Variants in ARHGEF19 observed in about 807,000 individuals in gnomAD.
ARHGEF19 encodes the protein Rho guanine nucleotide exchange factor 19, also known as Rho guanine nucleotide exchange factor (GEF) 19.
A neutral mutation model predicts 87.6 loss-of-function variants in ARHGEF19; 92 were observed. That is an observed-to-expected ratio of 1.05 (90% CI 0.89 to 1.25). The LOEUF (loss-of-function observed/expected upper bound fraction) is 1.25, where lower values mean the gene tolerates loss of function less well. Among genes scored for constraint, ARHGEF19 ranks in the 50% most tolerant of loss-of-function variants. The probability of loss-of-function intolerance (pLI) is 0.00; values close to 1 mark genes in which losing one functional copy is unlikely to be tolerated. For missense variants in ARHGEF19, 1,054 were observed against 1,051.8 expected (o/e 1.00, Z -0.03); for synonymous variants, 438 against 446.2 (o/e 0.98, Z 0.23).
At position 16,208,865 on chromosome 1, in the gene ARHGEF19, G is replaced by A. The variant is rs773105913; in HGVS notation, c.190C>T (p.Arg64Cys). 1.6e-5 allele frequency: 25 copies of A among 1,604,376 alleles called. No individual in the cohort carries two copies. Among genetic ancestry groups the A allele is most frequent in the Admixed American group, 8.9e-5 (5 of 56,118 alleles). The stretch of plus-strand genomic sequence containing the variant: ...GGGGCAGGGGTCCCCAGGGACCAGC[G>A]GCTGCCAGGAGCCCGAAGCTCCTCT... The part of the protein sequence containing the change: ...APEELRAPGS[R>C]WSLGTPAPLQ... Residue 64 changes from arginine to cysteine, a missense_variant, in exon 2 of 16, where the codon CGC becomes TGC. Physicochemically the swap from Arg to Cys is radical, Grantham distance 180. Transcript: ENST00000270747.
In ARHGEF19 at chr1:16,198,506, G is replaced by C; in HGVS notation, c.*81C>G. Reference sequence around the variant, plus strand: ...AGCGAAGTGCCAGCAGGAGCAGCTTGGGGAATGGAGACACTGCAGGCCCCT... The same window carrying C: ...AGCGAAGTGCCAGCAGGAGCAGCTTCGGGAATGGAGACACTGCAGGCCCCT... On this transcript the variant is annotated 3_prime_UTR_variant, in exon 16 of 16. Coordinates refer to ENST00000270747, the MANE Select transcript of ARHGEF19 (RefSeq NM_153213.5). The surrounding 1 kb of genome is among the most constrained non-coding windows in gnomAD (Gnocchi z 4.1). The C allele has an allele frequency of 6.9e-7, 1 of 1,445,446 alleles. No individual in the cohort carries two copies. Among genetic ancestry groups the C allele is most frequent in the Middle Eastern group, 2.2e-4 (1 of 4,632 alleles). The allele number at this position is 1,445,446 out of a possible 1,614,324, so 89.5% of individuals were successfully genotyped here.
chr1:16,199,143 C>G lies in ARHGEF19; in HGVS notation c.2251+7G>C, dbSNP rs1569694660. 1.2e-6 allele frequency: 2 copies of G among 1,613,898 alleles called. No homozygotes were observed. The highest frequency in any genetic ancestry group is 2.2e-5 in the South Asian group (2 of 91,076). The stretch of plus-strand genomic sequence containing the variant: ...ATCAGGGACACTTTCCCAGGAGGCC[C>G]CCTCACCGTCACTGGTCCAGGTCCT... On this transcript the variant is annotated splice_region_variant and intron_variant, in intron 15 of 15. Transcript: ENST00000270747.
intron 1 of ARHGEF19, among the ~76,000 whole-genome samples, chr1:16,212,113 G>A (rs1360212904): frequency 6.6e-6 from 1 of 152,236 alleles, no homozygotes; most frequent in African/African-American, 2.4e-5. Flanking sequence ...AGGGGCCGAG[G>A]AAAGTACCCT....
chr1:16,198,472 G>T lies in ARHGEF19; in HGVS notation c.*115C>A. ...GTCCAGCCTGTGCCCTCAATGCCAA[G>T]GCCACAGAAGCGAAGTGCCAGCAGG... is the stretch of plus-strand genomic sequence containing the variant. On this transcript the variant is annotated 3_prime_UTR_variant, in exon 16 of 16. Transcript: ENST00000270747. This position sits in a 1 kb window ranked among gnomAD's most constrained non-coding sequence, Gnocchi z 4.1. 7.3e-7 allele frequency: 1 copy of T among 1,373,824 alleles called. No individual in the cohort carries two copies. Among genetic ancestry groups the T allele is most frequent in the Non-Finnish European group, 9.7e-7 (1 of 1,026,422 alleles). 85.1% of individuals were successfully genotyped at this position (1,373,824 alleles called of 1,614,324 possible). A position where few individuals can be genotyped will look rare whatever the true frequency, so the allele number is the denominator to read the frequency against.
Position 16,205,906 on chromosome 1 carries a change from C to A in ARHGEF19, c.1451+25G>T. 6.3e-7 allele frequency: 1 copy of A among 1,589,482 alleles called. No homozygotes were observed. The highest frequency in any genetic ancestry group is 1.3e-5 in the African/African-American group (1 of 74,704). The stretch of plus-strand genomic sequence containing the variant: ...GCCTGAGACTCCCTCCACGCCCCCG[C>A]CCCTTTCAGAGCCCCCAGCCCTACA... On this transcript the variant is annotated intron_variant, in intron 8 of 15. Coordinates refer to ENST00000270747, the MANE Select transcript of ARHGEF19 (RefSeq NM_153213.5). The surrounding 1 kb of genome is among the most constrained non-coding windows in gnomAD (Gnocchi z 5.8).
chr1:16,204,774 A>G lies in ARHGEF19; in HGVS notation c.1892T>C (p.Leu631Pro), dbSNP rs1170769820. Residue 631 changes from leucine (L) to proline (P), a missense_variant, in exon 12 of 16, where the codon CTC (leucine) becomes CCC (proline). Transcript: ENST00000270747. ...YLHLFNDCLL[L>P]SRRKELGKFA... Reference sequence around the variant, plus strand: ...CCCGACTCACTCCTTCCGCCGAGAGAGCAGCAAGCAGTCATTGAAGAGGTG... The same window carrying G: ...CCCGACTCACTCCTTCCGCCGAGAGGGCAGCAAGCAGTCATTGAAGAGGTG... The G allele has an allele frequency of 2.5e-6, 4 of 1,602,074 alleles. No individual in the cohort carries two copies. Among genetic ancestry groups the G allele is most frequent in the Non-Finnish European group, 3.4e-6 (4 of 1,171,556 alleles).
intron 1 of ARHGEF19, among the ~76,000 whole-genome samples, chr1:16,209,453 C>T (rs1160545506): frequency 6.6e-6 from 1 of 152,182 alleles, no homozygotes; most frequent in Non-Finnish European, 1.5e-5. Flanking sequence ...TTGTACTTCT[C>T]TAAAACACAC....
intron 13 of ARHGEF19, 114 bp downstream of exon 13, chr1:16,202,302 A>G (rs1163052330): frequency 1.4e-6 from 2 of 1,412,234 alleles, no homozygotes; most frequent in South Asian, 1.4e-5. Context: ...GGGGAGGAAC[A>G]AGGCCAGGAT....
chr1:16,207,902 CGGCATCTGG>C lies in ARHGEF19; in HGVS notation c.694+33_694+41del. ...GGCATCGCCCACCCCCACCCCCACC[CGGCATCTGG>C]CTGCCCTCAGGGCCCATGGGAGGAG... On this transcript the variant is annotated intron_variant, in intron 3 of 15. Transcript: ENST00000270747. The surrounding 1 kb of genome is among the most constrained non-coding windows in gnomAD (Gnocchi z 4.0). The C allele has an allele frequency of 1.3e-6, 2 of 1,574,832 alleles. No individual in the cohort carries two copies. Among genetic ancestry groups the C allele is most frequent in the South Asian group, 1.1e-5 (1 of 88,924 alleles).
At chr1:16,200,891 A>C (rs1360014576) in intron 14 of ARHGEF19, among the ~76,000 whole-genome samples, 1 of 151,914 alleles carries the variant, frequency 6.6e-6, no homozygotes, top group Admixed American at 6.6e-5. Flanking sequence ...ACAGAGTAAA[A>C]CTGTGTCTCC....
In ARHGEF19 at chr1:16,207,940, G is replaced by C; in HGVS notation, c.694+4C>G. ...CCCTCAGGGCCCATGGGAGGAGCTG[G>C]TACCTTCCCGGGCTGCTCCGGTGCC... On this transcript the variant is annotated splice_donor_region_variant and intron_variant, in intron 3 of 15. Coordinates refer to ENST00000270747, the MANE Select transcript of ARHGEF19 (RefSeq NM_153213.5). This position sits in a 1 kb window ranked among gnomAD's most constrained non-coding sequence, Gnocchi z 4.0. 6.2e-7 allele frequency: 1 copy of C among 1,605,338 alleles called. No individual in the cohort carries two copies. Among genetic ancestry groups the C allele is most frequent in the Non-Finnish European group, 8.5e-7 (1 of 1,176,156 alleles).
chr1:16,198,491 C>T lies in ARHGEF19; in HGVS notation c.*96G>A. 1 of 1,430,452 alleles carries T rather than the reference C, an allele frequency of 7.0e-7. No homozygotes were observed. The highest frequency in any genetic ancestry group is 2.4e-5 in the Admixed American group (1 of 42,476). The allele number at this position is 1,430,452 out of a possible 1,614,324, so 88.6% of individuals were successfully genotyped here. ...TGCCAAGGCCACAGAAGCGAAGTGC[C>T]AGCAGGAGCAGCTTGGGGAATGGAG... On this transcript the variant is annotated 3_prime_UTR_variant, in exon 16 of 16. Coordinates refer to ENST00000270747, the MANE Select transcript of ARHGEF19 (RefSeq NM_153213.5). The surrounding 1 kb of genome is among the most constrained non-coding windows in gnomAD (Gnocchi z 4.1).
rs1295513437 is a variant in ARHGEF19 at position 16,205,470 on chromosome 1, A to G, written c.1582-45T>C. On this transcript the variant is annotated intron_variant, in intron 9 of 15. Coordinates refer to ENST00000270747, the MANE Select transcript of ARHGEF19 (RefSeq NM_153213.5). This position sits in a 1 kb window ranked among gnomAD's most constrained non-coding sequence, Gnocchi z 5.8. ...CAATGAGGCAGTCCTCATACTCCCG[A>G]GACCCGGCCCGCCCACAGGTGTATC... is the stretch of plus-strand genomic sequence containing the variant. 1 of 1,612,468 alleles carries G rather than the reference A, an allele frequency of 6.2e-7. No homozygotes were observed. The highest frequency in any genetic ancestry group is 8.5e-7 in the Non-Finnish European group (1 of 1,179,432).
In ARHGEF19 at chr1:16,204,910, G is replaced by T; in HGVS notation, c.1756C>A (p.Leu586Met). The part of the protein sequence containing the change: ...KIHFEGKIFP[L>M]ISQARWLVRH... ...ACCAGCCAGCGGGCCTGAGAGATCAGCGGGAAAATCTAGAGGGATGGAGAA... is the reference window on the plus strand; with the variant it reads ...ACCAGCCAGCGGGCCTGAGAGATCATCGGGAAAATCTAGAGGGATGGAGAA... Residue 586 changes from leucine to methionine, a missense_variant, in exon 12 of 16, where the codon CTG (leucine) becomes ATG (methionine). Transcript: ENST00000270747. The T allele has an allele frequency of 6.2e-7, 1 of 1,601,020 alleles. No individual in the cohort carries two copies. Among genetic ancestry groups the T allele is most frequent in the Non-Finnish European group, 8.5e-7 (1 of 1,173,354 alleles).
chr1:16,203,476 A>T (rs1037797842), intron 12 of ARHGEF19, among the ~76,000 whole-genome samples: 1 of 152,022 alleles, frequency 6.6e-6, no homozygotes, highest in Non-Finnish European at 1.5e-5. Flanking sequence ...CAACTGCAAG[A>T]CCCTCTGGCC....
chr1:16,203,330 G>A (rs535614333), intron 12 of ARHGEF19, among the ~76,000 whole-genome samples: 3 of 152,058 alleles, frequency 2.0e-5, no homozygotes, highest in East Asian at 1.9e-4. Context: ...AAACTCAGAC[G>A]TCATGCTCAC....
rs151255149 is a variant in ARHGEF19 at position 16,208,152 on chromosome 1, A to G, written c.486T>C (p.Pro162=). The change falls in exon 3 of 16, where the codon CCT becomes CCC. Residue 162 remains proline (P), a synonymous_variant. Transcript: ENST00000270747. ...GGGCCTGCTCTTGCACTACCTGGCC[A>G]GGCTCTAGGAAGACAGCGTGGGCCT... ...CPEAHAVFLE[P]GQVVQEQALS... The G allele has an allele frequency of 1.2e-5, 19 of 1,613,320 alleles. No individual in the cohort carries two copies. The highest frequency in any genetic ancestry group is 2.7e-5 in the African/African-American group (2 of 75,026).
At position 16,205,653 on chromosome 1, in the gene ARHGEF19, C is replaced by G; in HGVS notation, c.1466G>C (p.Arg489Thr). The change falls in exon 9 of 16, where the codon AGG becomes ACG. Residue 489 changes from arginine to threonine, a missense_variant. Transcript: ENST00000270747. The surrounding 1 kb of genome is among the most constrained non-coding windows in gnomAD (Gnocchi z 5.8). ...TYQRLLLENP[R>T]FPGILARLEE... ...CAGGCGAGCCAGGATGCCAGGGAAC[C>G]TGGGGTTCTCCAGGCTGGAAAATGG... is the stretch of plus-strand genomic sequence containing the variant. 1.2e-6 allele frequency: 2 copies of G among 1,610,284 alleles called. No homozygotes were observed. Among genetic ancestry groups the G allele is most frequent in the Non-Finnish European group, 1.7e-6 (2 of 1,178,642 alleles).
In ARHGEF19 at chr1:16,207,264, G is replaced by T; in HGVS notation, c.875-54C>A. On this transcript the variant is annotated intron_variant, in intron 5 of 15. Coordinates refer to ENST00000270747, the MANE Select transcript of ARHGEF19 (RefSeq NM_153213.5). This position sits in a 1 kb window ranked among gnomAD's most constrained non-coding sequence, Gnocchi z 4.0. ...TGGGGCGCCCGCCAGCCCCTGCCCG[G>T]CTTTTCCTCGGTTCCCTCAAGAGCC... 6.8e-7 allele frequency: 1 copy of T among 1,462,982 alleles called. No individual in the cohort carries two copies. Among genetic ancestry groups the T allele is most frequent in the Non-Finnish European group, 9.0e-7 (1 of 1,113,162 alleles). The allele number at this position is 1,462,982 out of a possible 1,614,324, so 90.6% of individuals were successfully genotyped here. A position where few individuals can be genotyped will look rare whatever the true frequency, so the allele number is the denominator to read the frequency against.
Sources: allele counts gnomAD v4.1 joint callset (sites outside exome capture counted in the v4.1 genomes callset), GRCh38; gene constraint gnomAD v4.1.1; non-coding constraint Gnocchi (gnomAD v3.1); transcripts MANE v1.5; gene names NCBI Gene and HGNC (gene_info 2026-07-23, HGNC 2026-07-21).